The following DCBLD2 variants were observed in gnomAD, a reference collection of about 807,000 sequenced individuals.
DCBLD2 encodes discoidin, CUB and LCCL domain-containing protein 2.
DCBLD2 carries 54 observed loss-of-function variants against 86.8 expected under a neutral mutation model. The ratio of observed to expected loss-of-function variants is 0.62; its 90% CI spans 0.50 to 0.78. The LOEUF is 0.78. Among genes scored for constraint, DCBLD2 ranks in the 30% least tolerant of loss-of-function variants. The pLI is 0.00. For missense variants in DCBLD2, 908 were observed against 954.2 expected (o/e 0.95, Z 0.64); for synonymous variants, 354 against 341.3 (o/e 1.04, Z -0.41).
chr3:98,818,545 G>A (rs184000876), intron 8 of DCBLD2, among the ~76,000 whole-genome samples: 13 of 152,296 alleles, frequency 8.5e-5, no homozygotes, highest in African/African-American at 3.1e-4. Context: ...AGGATGAAAA[G>A]TATTGTTCCC....
chr3:98,818,407 T>C (rs966503736), intron 8 of DCBLD2, among the ~76,000 whole-genome samples: 3 of 152,222 alleles, frequency 2.0e-5, no homozygotes, highest in African/African-American at 7.2e-5. Flanking sequence ...AGGAGACCGT[T>C]ATTTTAGATG....
chr3:98,841,985 A>G (rs973115674), intron 3 of DCBLD2, among the ~76,000 whole-genome samples: 11 of 152,292 alleles, frequency 7.2e-5, no homozygotes, highest in African/African-American at 2.6e-4. Context: ...GAATCGCTTG[A>G]ACCCGAGAGG....
chr3:98,881,801 C>T (rs1310908180), intron 1 of DCBLD2, 34 bp from the exon 2 acceptor site: 3 of 1,568,952 alleles, frequency 1.9e-6, no homozygotes, highest in Non-Finnish European at 2.6e-6. Context: ...ATAAATTATT[C>T]TCACATATTT....
At position 98,838,050 on chromosome 3, in the gene DCBLD2, C is replaced by T. The variant is rs1229457656; in HGVS notation, c.571+11411G>A. ...GGCGGCTGGCCGGGCGGGGGGCTGA[C>T]CCCCCCACCTCCCTCCCGGACGGCA... On this transcript the variant is annotated intron_variant, in intron 3 of 15. Coordinates refer to ENST00000326840, the MANE Select transcript of DCBLD2 (RefSeq NM_080927.4). Among the ~76,000 whole-genome samples the T allele has an allele frequency of 2.9e-4, 36 of 123,858 alleles. No individual in the cohort carries two copies. In the South Asian group the frequency reaches 9.6e-3, roughly 33 times the overall value. The allele number at this position is 123,858 out of a possible 152,430, so 81.3% of individuals were successfully genotyped here.
intron 14 of DCBLD2, 155 bp downstream of exon 14, chr3:98,801,445 G>A (rs2107417854): frequency 4.1e-6 from 2 of 491,250 alleles, no homozygotes; most frequent in Admixed American, 7.4e-5. Context: ...CTTTGCAGAA[G>A]GGTAAAAATG....
intron 12 of DCBLD2, among the ~76,000 whole-genome samples, chr3:98,810,152 G>C (rs575636798): frequency 6.6e-5 from 10 of 152,292 alleles, no homozygotes; most frequent in Admixed American, 3.9e-4. Context: ...GATGCAATCA[G>C]ATTTTAAGAT....
At chr3:98,827,650 T>C (rs1942246102) in intron 3 of DCBLD2, among the ~76,000 whole-genome samples, 1 of 152,188 alleles carries the variant, frequency 6.6e-6, no homozygotes, top group Middle Eastern at 3.2e-3. Context: ...AGACTGAAGA[T>C]AAAGAAAGCC....
chr3:98,876,584 G>A (rs1943375876), intron 2 of DCBLD2, among the ~76,000 whole-genome samples: 1 of 152,062 alleles, frequency 6.6e-6, no homozygotes, highest in South Asian at 2.1e-4. Flanking sequence ...GGAAGGCTGT[G>A]GAAAACAAGC....
At chr3:98,864,251 T>A (rs1006091333) in intron 2 of DCBLD2, among the ~76,000 whole-genome samples, 1 of 152,240 alleles carries the variant, frequency 6.6e-6, no homozygotes, top group Non-Finnish European at 1.5e-5. Context: ...TTTAAATTGT[T>A]GGTGGGACTG....
chr3:98,870,737 A>AAAAGAAAGAAAGAAAGAAAGAGAAAG (rs1943252329), intron 2 of DCBLD2, among the ~76,000 whole-genome samples: 3 of 69,824 alleles, frequency 4.3e-5, no homozygotes, highest in Non-Finnish European at 8.8e-5. Context: ...AAAAGAAAGA[A>AAAAGAAAGAAAGAAAGAAAGAGAAAG]AAAGAAAGAA....
intron 2 of DCBLD2, among the ~76,000 whole-genome samples, chr3:98,852,761 C>T (rs575406897): frequency 3.2e-4 from 48 of 152,308 alleles, no homozygotes; most frequent in Non-Finnish European, 4.1e-4. Flanking sequence ...AGCAACTTGC[C>T]TATCAGGGCC....
rs758474961 is a variant in DCBLD2 at position 98,801,591 on chromosome 3, G to A, written c.1720+9C>T. 78 of 1,607,384 alleles carry A rather than the reference G, an allele frequency of 4.9e-5. No individual in the cohort carries two copies. The highest frequency in any genetic ancestry group is 4.3e-4 in the South Asian group (39 of 89,908). The stretch of plus-strand genomic sequence containing the variant: ...GATAGAAATGAGATGCAAAGACCAC[G>A]TGAGTTACCTGCCCGGTCCCAGTAA... On this transcript the variant is annotated intron_variant, in intron 14 of 15. Transcript: ENST00000326840.
chr3:98,872,218 A>G (rs912523025), intron 2 of DCBLD2, among the ~76,000 whole-genome samples: 1 of 152,208 alleles, frequency 6.6e-6, no homozygotes, highest in African/African-American at 2.4e-5. Context: ...CAGTATTGGA[A>G]AGTGGGGCCT....
intron 9 of DCBLD2, among the ~76,000 whole-genome samples, chr3:98,817,104 T>C (rs549551623): frequency 4.6e-5 from 7 of 152,194 alleles, no homozygotes; most frequent in Non-Finnish European, 8.8e-5. Context: ...TCTATCTTCC[T>C]TAGGCACAAG....
At chr3:98,815,562 T>C (rs563107641) in intron 9 of DCBLD2, 1 of 152,242 alleles carries the variant, frequency 6.6e-6, no homozygotes, top group South Asian at 2.1e-4. Flanking sequence ...AGGTAAAATA[T>C]GATCCATAAT....
Position 98,901,286 on chromosome 3 carries a change from T to G in DCBLD2, c.41A>C (p.Gln14Pro). 6.6e-7 allele frequency: 1 copy of G among 1,524,520 alleles called. No individual in the cohort carries two copies. The highest frequency in any genetic ancestry group is 8.8e-7 in the Non-Finnish European group (1 of 1,141,946). The allele number at this position is 1,524,520 out of a possible 1,614,324, so 94.4% of individuals were successfully genotyped here. ...RAVVRARRCPQCPQVRAAAAA... is the reference protein window; with the variant it reads ...RAVVRARRCPPCPQVRAAAAA... ...GGCCGCGGCCCGGACTTGGGGACAC[T>G]GCGGGCAGCGCCTGGCTCTCACCAC... Residue 14 changes from glutamine to proline, a missense_variant, in exon 1 of 16, where the codon CAG becomes CCG. Physicochemically the swap from Gln to Pro is moderately conservative, Grantham distance 76 (BLOSUM62 -1). Transcript: ENST00000326840.
intron 1 of DCBLD2, among the ~76,000 whole-genome samples, chr3:98,886,131 A>C (rs986633635): frequency 3.3e-5 from 5 of 151,974 alleles, no homozygotes; most frequent in African/African-American, 1.2e-4. Flanking sequence ...TCCCCCAAAG[A>C]TCAGCAGTTA....
At chr3:98,891,792 G>A (rs552944693) in intron 1 of DCBLD2, among the ~76,000 whole-genome samples, 5 of 152,140 alleles carry the variant, frequency 3.3e-5, no homozygotes, top group South Asian at 2.1e-4. Flanking sequence ...CAAGAATAAC[G>A]TCCCTCCTCC....
chr3:98,876,623 T>C (rs1242923010), intron 2 of DCBLD2, among the ~76,000 whole-genome samples: 3 of 152,164 alleles, frequency 2.0e-5, no homozygotes, highest in Non-Finnish European at 4.4e-5. Context: ...TGCAAACTGG[T>C]ATAACTTCCA....
Sources: allele counts gnomAD v4.1 joint callset (sites outside exome capture counted in the v4.1 genomes callset), GRCh38; gene constraint gnomAD v4.1.1; transcripts MANE v1.5; gene names NCBI Gene and HGNC (gene_info 2026-07-23, HGNC 2026-07-21).